The following DNAAF11 variants were observed in gnomAD, a reference collection of about 807,000 sequenced individuals.
DNAAF11 encodes the protein dynein axonemal assembly factor 11.
In DNAAF11, 45 loss-of-function variants were observed where a neutral mutation model predicts 60.8. The ratio of observed to expected loss-of-function variants is 0.74; its 90% CI spans 0.58 to 0.95. The LOEUF (loss-of-function observed/expected upper bound fraction) is 0.95, where lower values mean the gene tolerates loss of function less well. Among genes scored for constraint, DNAAF11 ranks in the 40% least tolerant of loss-of-function variants. The pLI, the probability that DNAAF11 is intolerant of heterozygous loss-of-function variation, is 0.00. For missense variants in DNAAF11, 546 were observed against 546.2 expected (o/e 1.00, Z 0.00); for synonymous variants, 191 against 183.5 (o/e 1.04, Z -0.33).
chr8:132,580,933 A>G (rs1422359193), intron 11 of DNAAF11, among the ~76,000 whole-genome samples: 2 of 152,256 alleles, frequency 1.3e-5, no homozygotes, highest in African/African-American at 4.8e-5. Flanking sequence ...CCTACCAGTT[A>G]TAAAACTCAT....
Position 132,632,260 on chromosome 8 carries a change from C to T in DNAAF11, c.653+480G>A, listed in dbSNP as rs560095504. Among the ~76,000 whole-genome samples, 5 of 152,058 alleles carry T rather than the reference C, an allele frequency of 3.3e-5. No individual in the cohort carries two copies. The South Asian group carries it at 1.0e-3, about 32-fold the overall frequency. The stretch of plus-strand genomic sequence containing the variant: ...TTGCAATTCACTTAAAATAAACAAA[C>T]ATGAAAAATTTAATTTTTAAAAAAC... On this transcript the variant is annotated intron_variant, in intron 5 of 11. Transcript: ENST00000620350.
chr8:132,587,795 T>C (rs1448756370), intron 10 of DNAAF11, among the ~76,000 whole-genome samples: 3 of 152,198 alleles, frequency 2.0e-5, no homozygotes, highest in Non-Finnish European at 4.4e-5. Flanking sequence ...TAATGTTACA[T>C]TATTTTAACT....
intron 1 of DNAAF11, among the ~76,000 whole-genome samples, chr8:132,672,797 A>G (rs1232711504): frequency 6.6e-6 from 1 of 152,184 alleles, no homozygotes; most frequent in East Asian, 1.9e-4. Flanking sequence ...TTGTGGAAAG[A>G]GCCGCGAAAG....
At chr8:132,696,990 C>T in the DNAAF11 span, among the ~76,000 whole-genome samples, 9 of 152,312 alleles carry the variant, frequency 5.9e-5, no homozygotes, top group Admixed American at 5.2e-4. Flanking sequence ...AGCCCCATGA[C>T]ATGACATGAG....
At chr8:132,700,967 G>A in the DNAAF11 span, among the ~76,000 whole-genome samples, 1 of 152,172 alleles carries the variant, frequency 6.6e-6, no homozygotes. Flanking sequence ...GTTCTGAAAT[G>A]TGAGAAGTTC....
Position 132,622,601 on chromosome 8 carries a change from C to T in DNAAF11, c.914+10G>A, listed in dbSNP as rs753770985. The T allele has an allele frequency of 6.2e-7, 1 of 1,609,220 alleles. No individual in the cohort carries two copies. The highest frequency in any genetic ancestry group is 8.5e-7 in the Non-Finnish European group (1 of 1,176,464). ...TTTGGGTCTTTAACGCTCTATTTGGCCTCACATACTTGGGCTCATTCACAT... is the reference window on the plus strand; with the variant it reads ...TTTGGGTCTTTAACGCTCTATTTGGTCTCACATACTTGGGCTCATTCACAT... On this transcript the variant is annotated intron_variant, in intron 7 of 11. Coordinates refer to ENST00000620350, the MANE Select transcript of DNAAF11 (RefSeq NM_012472.6).
At chr8:132,596,978 C>A (rs1817076541) in intron 10 of DNAAF11, among the ~76,000 whole-genome samples, 1 of 152,028 alleles carries the variant, frequency 6.6e-6, no homozygotes. Flanking sequence ...TCATTGCTGG[C>A]AATTAGAAGA....
At chr8:132,688,434 A>G in the DNAAF11 span, among the ~76,000 whole-genome samples, 2 of 151,986 alleles carry the variant, frequency 1.3e-5, no homozygotes, top group Admixed American at 6.6e-5. Context: ...GGCTGACCCC[A>G]CTCCAGGCTG....
intron 5 of DNAAF11, among the ~76,000 whole-genome samples, chr8:132,627,411 T>C (rs1317777239): frequency 6.6e-6 from 1 of 152,172 alleles, no homozygotes; most frequent in African/African-American, 2.4e-5. Context: ...AGCTCATTAG[T>C]GTATGATCAA....
intron 10 of DNAAF11, among the ~76,000 whole-genome samples, chr8:132,597,861 G>A (rs1817184896): frequency 6.6e-6 from 1 of 152,074 alleles, no homozygotes; most frequent in South Asian, 2.1e-4. Context: ...GGTTGGGGGG[G>A]AATTTCACAG....
chr8:132,618,016 T>G (rs1320629492), intron 7 of DNAAF11, among the ~76,000 whole-genome samples: 2 of 149,646 alleles, frequency 1.3e-5, no homozygotes, highest in Non-Finnish European at 3.0e-5. Context: ...AGAACAAAGC[T>G]GGAGGCATCA....
chr8:132,635,220 G>C (rs903165798), intron 4 of DNAAF11, among the ~76,000 whole-genome samples: 2 of 152,102 alleles, frequency 1.3e-5, no homozygotes, highest in African/African-American at 4.8e-5. Context: ...CTAAGAATCA[G>C]AGATCCAGTT....
intron 7 of DNAAF11, among the ~76,000 whole-genome samples, chr8:132,618,934 C>A (rs938598895): frequency 1.6e-4 from 24 of 152,198 alleles, no homozygotes; most frequent in Non-Finnish European, 2.6e-4. Context: ...GTGACCCAGC[C>A]ATCCCATTAC....
intron 1 of DNAAF11, among the ~76,000 whole-genome samples, chr8:132,663,109 G>T (rs1289682841): frequency 6.6e-6 from 1 of 152,158 alleles, no homozygotes; most frequent in Non-Finnish European, 1.5e-5. Flanking sequence ...GGCAGAGATG[G>T]TCACAAACCA....
intron 5 of DNAAF11, among the ~76,000 whole-genome samples, chr8:132,630,360 GA>G (rs1820679058): frequency 6.6e-6 from 1 of 152,112 alleles, no homozygotes; most frequent in Non-Finnish European, 1.5e-5. Context: ...AGATCAGTGG[GA>G]AAAGAATAGC....
Position 132,610,203 on chromosome 8 carries a change from G to A in DNAAF11, c.1103C>T (p.Ser368Phe). 6.2e-7 allele frequency: 1 copy of A among 1,613,976 alleles called. No individual in the cohort carries two copies. The highest frequency in any genetic ancestry group is 1.1e-5 in the South Asian group (1 of 91,056). The change falls in exon 10 of 12, where the codon TCT becomes TTT. Residue 368 changes from serine to phenylalanine, a missense_variant. Coordinates refer to ENST00000620350, the MANE Select transcript of DNAAF11 (RefSeq NM_012472.6). ...VKPDSSSAKR[S>F]QTTGHLVICM... ...GATGACCAAATGACCCGTTGTCTGA[G>A]ATCTTTTAGCAGAACTACTATCGGG...
the DNAAF11 span, among the ~76,000 whole-genome samples, chr8:132,695,295 G>A: frequency 6.6e-6 from 1 of 152,178 alleles, no homozygotes; most frequent in South Asian, 2.1e-4. Flanking sequence ...TCTTATTTAA[G>A]ACAGGTATTA....
intron 11 of DNAAF11, among the ~76,000 whole-genome samples, chr8:132,576,796 G>T (rs1289473872): frequency 6.9e-6 from 1 of 144,204 alleles, no homozygotes; most frequent in Admixed American, 6.7e-5. Context: ...TACTCAACCT[G>T]TATGTTCACA....
rs7818566 is a variant in DNAAF11, at chr8:132,651,467, C to G, written c.256+5363G>C. Among the ~76,000 whole-genome samples the G allele has an allele frequency of 7.7e-3, 1,171 of 152,214 alleles. 16 individuals are homozygous for G. Among genetic ancestry groups the G allele is most frequent in the African/African-American group, 0.027 (1,110 of 41,522 alleles). ...AGATAGGATGCATTCTCCATTCCCA[C>G]TATCCCCCTCCACCGCCCTTACCAA... is the stretch of plus-strand genomic sequence containing the variant. On this transcript the variant is annotated intron_variant, in intron 3 of 11. Coordinates refer to ENST00000620350, the MANE Select transcript of DNAAF11 (RefSeq NM_012472.6).
Sources: gnomAD v4.1 joint callset for allele counts (sites outside exome capture counted in the v4.1 genomes callset) on GRCh38, gnomAD v4.1.1 for gene constraint, MANE v1.5 for transcripts, NCBI Gene and HGNC (gene_info 2026-07-23, HGNC 2026-07-21) for gene names.